Variants in GET1 observed in about 807,000 individuals in gnomAD.
GET1 encodes the protein congenital heart disease 5 protein.
In GET1, 20 loss-of-function variants were observed where a neutral mutation model predicts 22.6. The ratio of observed to expected loss-of-function variants is 0.89; its 90% CI spans 0.62 to 1.29. The LOEUF is 1.29. Ranked by LOEUF, GET1 falls within the 50% of genes most tolerant of loss-of-function variation. The pLI, the probability that GET1 is intolerant of heterozygous loss-of-function variation, is 0.00. For synonymous variants in GET1, 92 were observed against 83.8 expected (o/e 1.10, Z -0.53); for missense variants, 209 against 219.9 (o/e 0.95, Z 0.31).
At chr21:39,404,350 C>A (rs1331783781) in intron 4 of GET1, among the ~76,000 whole-genome samples, 1 of 152,154 alleles carries the variant, frequency 6.6e-6, no homozygotes, top group Non-Finnish European at 1.5e-5. Flanking sequence ...TGCAACAAAT[C>A]TCAATAAATG....
At chr21:39,394,636 C>T (rs1384607665) in intron 4 of GET1, among the ~76,000 whole-genome samples, 1 of 152,144 alleles carries the variant, frequency 6.6e-6, no homozygotes, top group Non-Finnish European at 1.5e-5. Context: ...TTTTCCAGTT[C>T]ATGGATGGTG....
chr21:39,380,687 G>A, intron 1 of GET1: 1 of 1,393,430 alleles, frequency 7.2e-7, no homozygotes, highest in East Asian at 2.7e-5. Flanking sequence ...CTGGGTTCTA[G>A]GGGGTTGGGA....
chr21:39,390,942 C>G, intron 2 of GET1, 79 bp downstream of exon 2: 1 of 1,493,456 alleles, frequency 6.7e-7, no homozygotes, highest in Non-Finnish European at 9.1e-7. Flanking sequence ...TAGTAGAATA[C>G]ATACTTTGCT....
At chr21:39,394,876 C>G (rs1015766149) in intron 4 of GET1, among the ~76,000 whole-genome samples, 1 of 151,560 alleles carries the variant, frequency 6.6e-6, no homozygotes, top group African/African-American at 2.4e-5. Flanking sequence ...TCTTTTTTTT[C>G]TTCTCTTTTC....
intron 4 of GET1, chr21:39,405,873 T>A: frequency 6.5e-7 from 1 of 1,540,622 alleles, no homozygotes; most frequent in South Asian, 1.2e-5. Context: ...ATTAGGATAT[T>A]GATTATATTT....
intron 1 of GET1, among the ~76,000 whole-genome samples, chr21:39,383,255 ATT>A (rs945237779): frequency 7.3e-6 from 1 of 137,508 alleles, no homozygotes; most frequent in African/African-American, 2.7e-5. Flanking sequence ...CGCCCAGCCT[ATT>A]TTTTTTTTTA....
intron 4 of GET1, among the ~76,000 whole-genome samples, chr21:39,402,895 C>G (rs995718579): frequency 6.6e-6 from 1 of 152,186 alleles, no homozygotes; most frequent in Admixed American, 6.5e-5. Context: ...ATCTGTTACC[C>G]TCTAACTTTT....
intron 1 of GET1, among the ~76,000 whole-genome samples, chr21:39,384,039 C>T (rs76624735): frequency 1.3e-5 from 2 of 150,540 alleles, no homozygotes; most frequent in African/African-American, 2.4e-5. Flanking sequence ...CCACCCCCGG[C>T]CTTTTTTTTT....
intron 1 of GET1, among the ~76,000 whole-genome samples, chr21:39,389,051 C>T (rs2038118957): frequency 6.6e-6 from 1 of 152,188 alleles, no homozygotes; most frequent in East Asian, 1.9e-4. Context: ...CTCCGAGACG[C>T]CTGCCTGCCT....
downstream of GET1, chr21:39,407,709 CTG>C (rs1252107781): frequency 1.3e-5 from 2 of 152,262 alleles, no homozygotes; most frequent in East Asian, 1.9e-4. Flanking sequence ...TTGCTTCCTC[CTG>C]TCTCCCTAAT....
At chr21:39,391,614 TAAA>T in intron 2 of GET1, 152 bp from the exon 3 acceptor site, 1 of 760,170 alleles carries the variant, frequency 1.3e-6, no homozygotes. Context: ...GTGGGTGACT[TAAA>T]AATTCTATTT....
intron 4 of GET1, among the ~76,000 whole-genome samples, chr21:39,396,559 C>A (rs1030223889): frequency 6.6e-6 from 1 of 150,952 alleles, no homozygotes; most frequent in African/African-American, 2.4e-5. Flanking sequence ...TGGTGGTGCA[C>A]ACCTGTAATC....
At chr21:39,407,550 C>T (rs1176132760), downstream of GET1, among the ~76,000 whole-genome samples, 1 of 152,156 alleles carries the variant, frequency 6.6e-6, no homozygotes, top group Non-Finnish European at 1.5e-5. Flanking sequence ...TAAACATCTG[C>T]CAAAGGAATA....
At chr21:39,406,232 T>C in exon 5 of GET1, 1 of 1,614,254 alleles carries the variant, frequency 6.2e-7, no homozygotes, top group Non-Finnish European at 8.5e-7. Context: ...TGCTTGCCTG[T>C]ACTATGACTG....
downstream of GET1, chr21:39,406,828 A>G (rs2039144148): frequency 4.3e-6 from 2 of 461,660 alleles, no homozygotes; most frequent in Non-Finnish European, 3.8e-6. Flanking sequence ...AGCAGATGGG[A>G]ATTATGAAAC....
intron 1 of GET1, among the ~76,000 whole-genome samples, chr21:39,413,109 G>A (rs1316984450): frequency 6.6e-6 from 1 of 152,180 alleles, no homozygotes; most frequent in Non-Finnish European, 1.5e-5. Context: ...AGGAGTTTTA[G>A]CAGCCACATT....
At position 39,423,137 on chromosome 21, in the gene GET1, T is replaced by A. The variant is rs2074045368; in HGVS notation, c.*24-5095T>A. On this transcript the variant is annotated intron_variant, in intron 1 of 1. Transcript: ENST00000478273. ...TGGCTGTCAGTTTCTCTAAGTTTCC[T>A]AGATAGAGTTCTTTCCTTTTCCTGG... 2.5e-6 allele frequency: 4 copies of A among 1,613,716 alleles called. No individual in the cohort carries two copies. Among genetic ancestry groups the A allele is most frequent in the East Asian group, 2.2e-5 (1 of 44,872 alleles).
intron 4 of GET1, among the ~76,000 whole-genome samples, chr21:39,403,884 G>C (rs1431378037): frequency 6.6e-6 from 1 of 152,118 alleles, no homozygotes; most frequent in African/African-American, 2.4e-5. Flanking sequence ...GCCTCCCAAA[G>C]TGTTGGGATT....
chr21:39,427,237 T>G (rs570067512), intron 1 of GET1, among the ~76,000 whole-genome samples: 23 of 152,302 alleles, frequency 1.5e-4, no homozygotes, highest in African/African-American at 5.5e-4. Flanking sequence ...GGAATACTTA[T>G]GAGCTCAAGA....
Sources: allele counts gnomAD v4.1 joint callset (sites outside exome capture counted in the v4.1 genomes callset), GRCh38; gene constraint gnomAD v4.1.1; transcripts MANE v1.5; gene names NCBI Gene and HGNC (gene_info 2026-07-23, HGNC 2026-07-21).